MME: variants seen among roughly 807,000 people sequenced by gnomAD.
MME encodes membrane metalloendopeptidase, also known as neprilysin.
A neutral mutation model predicts 113.2 loss-of-function variants in MME; 98 were observed. That is an observed-to-expected ratio of 0.87 (90% CI 0.74 to 1.02). The LOEUF (loss-of-function observed/expected upper bound fraction) is 1.02, where lower values mean the gene tolerates loss of function less well. Ranked by LOEUF, MME falls within the 50% of genes least tolerant of loss-of-function variation. MME has a pLI of 0.00. For synonymous variants in MME, 292 were observed against 300.6 expected, an observed-to-expected ratio of 0.97 and a Z score of 0.30; for missense variants, 836 against 896.0, an observed-to-expected ratio of 0.93 and a Z score of 0.86.
chr3:155,077,877 A>G (rs1714811684), upstream of MME, among the ~76,000 whole-genome samples: 1 of 151,700 alleles, frequency 6.6e-6, no homozygotes, highest in African/African-American at 2.4e-5. Context: ...TTCTTTTGTC[A>G]TACATTTTAA....
chr3:155,042,934 ATATATG>A (rs1450183298), intron 1 of MME, among the ~76,000 whole-genome samples: 1,415 of 61,096 alleles, frequency 0.023, 36 homozygotes, highest in African/African-American at 0.11. Context: ...ATATATATAT[ATATATG>A]TATATATATA....
At chr3:155,153,038 CTTTT>C (rs112469021) in intron 16 of MME, among the ~76,000 whole-genome samples, 1 of 140,074 alleles carries the variant, frequency 7.1e-6, no homozygotes, top group Non-Finnish European at 1.6e-5. Context: ...CAGGGATTTA[CTTTT>C]TTTTTTTTTT....
intron 1 of MME, chr3:155,083,668 T>C (rs902582696): frequency 1.2e-5 from 2 of 165,250 alleles, no homozygotes; most frequent in African/African-American, 4.8e-5. Flanking sequence ...TTATCTATAT[T>C]AATATTTCAA....
At chr3:155,103,056 C>T (rs147451540) in intron 3 of MME, among the ~76,000 whole-genome samples, 181 of 152,316 alleles carry the variant, frequency 1.2e-3, no homozygotes, top group African/African-American at 4.2e-3. Context: ...TCTCCTCTAC[C>T]TTCAACTGGT....
chr3:155,028,328 G>T (rs907370901), intron 1 of MME, among the ~76,000 whole-genome samples: 11 of 152,194 alleles, frequency 7.2e-5, no homozygotes, highest in African/African-American at 1.9e-4. Flanking sequence ...GAGATTGGGT[G>T]GTTACCTTGC....
At chr3:155,073,438 A>C (rs1206831585) in intron 1 of MME, among the ~76,000 whole-genome samples, 2 of 152,234 alleles carry the variant, frequency 1.3e-5, no homozygotes, top group East Asian at 3.8e-4. Context: ...TTTAGACACT[A>C]ATCAGTGCAT....
chr3:155,149,165 T>A (rs1721741944), intron 16 of MME, among the ~76,000 whole-genome samples: 1 of 152,194 alleles, frequency 6.6e-6, no homozygotes, highest in Admixed American at 6.5e-5. Context: ...TCTTATGCTC[T>A]TAATCTCTGC....
Position 155,115,153 on chromosome 3 carries a change from A to G in MME, c.356A>G (p.Lys119Arg), listed in dbSNP as rs1349908449. Residue 119 changes from lysine to arginine, a missense_variant and splice_region_variant, in exon 4 of 23, where the codon AAA becomes AGA. Lys to Arg is a conservative substitution (Grantham distance 26). Coordinates refer to ENST00000360490, the MANE Select transcript of MME (RefSeq NM_007289.4). Reference protein sequence around the residue: ...ILRDELEVVLKDVLQEPKTED... With the variant: ...ILRDELEVVLRDVLQEPKTED... ...AGAGATGAACTAGAAGTCGTTTTGA[A>G]AGGTTAGTAGAGATTGTGTCTGTGC... The G allele has an allele frequency of 6.2e-7, 1 of 1,613,968 alleles. No homozygotes were observed. Among genetic ancestry groups the G allele is most frequent in the Non-Finnish European group, 8.5e-7 (1 of 1,179,930 alleles).
intron 16 of MME, chr3:155,158,309 A>G (rs1658754942): frequency 6.6e-6 from 1 of 152,072 alleles, no homozygotes; most frequent in Non-Finnish European, 1.5e-5. Flanking sequence ...TGAACCCTAA[A>G]ACCACTGGGA....
intron 3 of MME, among the ~76,000 whole-genome samples, chr3:155,107,772 G>C (rs1364471659): frequency 6.6e-6 from 1 of 152,196 alleles, no homozygotes; most frequent in African/African-American, 2.4e-5. Context: ...CATGTACTCA[G>C]CTGAGATTGA....
At chr3:155,166,258 T>C (rs1279964077) in intron 17 of MME, among the ~76,000 whole-genome samples, 4 of 152,092 alleles carry the variant, frequency 2.6e-5, no homozygotes, top group Non-Finnish European at 5.9e-5. Context: ...CTCAAAGGGC[T>C]AATATTTGAG....
chr3:155,137,976 A>G, intron 8 of MME, 126 bp from the exon 9 acceptor site: 1 of 1,072,402 alleles, frequency 9.3e-7, no homozygotes, highest in Non-Finnish European at 1.4e-6. Flanking sequence ...AATACTTAGA[A>G]AAGGATTTTT....
intron 1 of MME, among the ~76,000 whole-genome samples, chr3:155,037,908 G>A (rs1394060925): frequency 6.6e-6 from 1 of 152,072 alleles, no homozygotes; most frequent in East Asian, 1.9e-4. Context: ...GAGACAATGA[G>A]TATACACCAC....
Position 155,133,744 on chromosome 3 carries a change from G to GTA in MME, c.721-4348_721-4347dup, listed in dbSNP as rs1170262759. Among the ~76,000 whole-genome samples, 71 of 140,064 alleles carry GTA rather than the reference G, an allele frequency of 5.1e-4. No individual in the cohort carries two copies. The East Asian group carries it at 5.9e-3, about 12-fold the overall frequency. The allele number at this position is 140,064 out of a possible 152,430, so 91.9% of individuals were successfully genotyped here. Reference sequence around the variant, plus strand: ...GTGTGTATATATACATATATATGGTGTATATATATATGTGTATATATATGG... The same window carrying GTA: ...GTGTGTATATATACATATATATGGTGTATATATATATATGTGTATATATATGG... On this transcript the variant is annotated intron_variant, in intron 8 of 22. Transcript: ENST00000360490.
At chr3:155,038,502 A>G (rs1713201850) in intron 1 of MME, among the ~76,000 whole-genome samples, 1 of 152,136 alleles carries the variant, frequency 6.6e-6, no homozygotes, top group South Asian at 2.1e-4. Flanking sequence ...TAGATTTTCG[A>G]TCTACAGAGG....
At chr3:155,167,757 CA>C (rs1318322459) in intron 18 of MME, among the ~76,000 whole-genome samples, 3 of 152,124 alleles carry the variant, frequency 2.0e-5, no homozygotes, top group Non-Finnish European at 4.4e-5. Context: ...AACTATGCAA[CA>C]GTCTTTACAG....
At position 155,102,699 on chromosome 3, in the gene MME, C is replaced by A. The variant is rs537344753; in HGVS notation, c.197-12295C>A. On this transcript the variant is annotated intron_variant, in intron 3 of 22. Transcript: ENST00000360490. Reference sequence around the variant, plus strand: ...ATGCCCATGATGAGGGCTTCTAGGGCAAGGCTGCTGTTTCTTGCTACCTCA... The same window carrying A: ...ATGCCCATGATGAGGGCTTCTAGGGAAAGGCTGCTGTTTCTTGCTACCTCA... Among the ~76,000 whole-genome samples, 9 of 152,212 alleles carry A rather than the reference C, an allele frequency of 5.9e-5. No individual in the cohort carries two copies. In the South Asian group the frequency reaches 1.7e-3, roughly 28 times the overall value.
chr3:155,064,203 C>G (rs112689640), intron 1 of MME, among the ~76,000 whole-genome samples: 8,570 of 149,556 alleles, frequency 0.057, 453 homozygotes, highest in African/African-American at 0.14. Context: ...ACAGGAGAAT[C>G]GCTTGAACCT....
chr3:155,075,291 T>G (rs972648054), upstream of MME, among the ~76,000 whole-genome samples: 1 of 152,148 alleles, frequency 6.6e-6, no homozygotes, highest in African/African-American at 2.4e-5. Context: ...ACTATTTTAC[T>G]TTCAACTATG....
Sources: gnomAD v4.1 joint callset for allele counts (sites outside exome capture counted in the v4.1 genomes callset) on GRCh38, gnomAD v4.1.1 for gene constraint, MANE v1.5 for transcripts, NCBI Gene and HGNC (gene_info 2026-07-23, HGNC 2026-07-21) for gene names.